PCDHGA2: variants seen among roughly 807,000 people sequenced by gnomAD.
PCDHGA2 encodes protocadherin gamma-A2.
PCDHGA2 carries 40 observed loss-of-function variants against 59.2 expected under a neutral mutation model. That is an observed-to-expected ratio of 0.68 (90% CI 0.52 to 0.88). The LOEUF (loss-of-function observed/expected upper bound fraction) is 0.88, where lower values mean the gene tolerates loss of function less well. Ranked by LOEUF, PCDHGA2 falls within the 40% of genes least tolerant of loss-of-function variation. PCDHGA2 has a pLI of 0.00. For missense variants in PCDHGA2, 1,226 were observed against 1,204.0 expected (o/e 1.02, Z -0.27); for synonymous variants, 560 against 526.0 (o/e 1.06, Z -0.89).
intron 2 of PCDHGA2, among the ~76,000 whole-genome samples, chr5:141,498,962 A>G (rs1257746192): frequency 8.0e-6 from 1 of 124,866 alleles, no homozygotes; most frequent in Non-Finnish European, 1.7e-5. Context: ...AGAGAGAGGG[A>G]GGGAGGGAGG....
In PCDHGA2 at chr5:141,476,149, A is replaced by T. The variant is rs1042362185; in HGVS notation, c.2425-18658A>T. The stretch of plus-strand genomic sequence containing the variant: ...CAGAGGCCTGGAGGAGCGGACTGGT[A>T]AGCACCGGGAGGGTAGTGGGAGTTT... On this transcript the variant is annotated intron_variant, in intron 1 of 3. Transcript: ENST00000394576. This position sits in a 1 kb window ranked among gnomAD's most constrained non-coding sequence, Gnocchi z 7.6. 4 of 1,611,688 alleles carry T rather than the reference A, an allele frequency of 2.5e-6. No individual in the cohort carries two copies. In the African/African-American group the frequency reaches 5.3e-5, roughly 22 times the overall value.
At chr5:141,420,245 G>T (rs72790042) in intron 1 of PCDHGA2, 1 of 1,584,230 alleles carries the variant, frequency 6.3e-7, no homozygotes, top group East Asian at 2.2e-5. Flanking sequence ...AACTCCCAGC[G>T]TTGAAGCAGA....
In PCDHGA2 at chr5:141,486,610, C is replaced by G; in HGVS notation, c.2425-8197C>G. 6.2e-7 allele frequency: 1 copy of G among 1,613,620 alleles called. No homozygotes were observed. The highest frequency in any genetic ancestry group is 8.5e-7 in the Non-Finnish European group (1 of 1,180,038). On this transcript the variant is annotated intron_variant, in intron 1 of 3. Coordinates refer to ENST00000394576, the MANE Select transcript of PCDHGA2 (RefSeq NM_018915.4). This position sits in a 1 kb window ranked among gnomAD's most constrained non-coding sequence, Gnocchi z 5.0. ...GGGACCTGCTTTGCTCCCTTGCAGC[C>G]TCTGACCCAGACTCTGGCTTGAATG...
chr5:141,497,211 G>C (rs914346878), intron 2 of PCDHGA2, among the ~76,000 whole-genome samples: 19 of 28,538 alleles, frequency 6.7e-4, no homozygotes, highest in African/African-American at 2.3e-3. Flanking sequence ...GAGTGTAATG[G>C]GGGGGGGAAG....
chr5:141,476,714 C>T lies in PCDHGA2; in HGVS notation c.2425-18093C>T, dbSNP rs146188020. On this transcript the variant is annotated intron_variant, in intron 1 of 3. Transcript: ENST00000394576. The surrounding 1 kb of genome is among the most constrained non-coding windows in gnomAD (Gnocchi z 7.6). ...CAAGTACGCGGAGCTGGTGTTGGAG[C>T]GCGCCCTGGACCGAGAACGGGAGCC... The T allele has an allele frequency of 6.2e-7, 1 of 1,614,154 alleles. No individual in the cohort carries two copies. The highest frequency in any genetic ancestry group is 8.5e-7 in the Non-Finnish European group (1 of 1,180,032).
chr5:141,387,830 TTA>T (rs2091113162), intron 1 of PCDHGA2: 1 of 1,590,004 alleles, frequency 6.3e-7, no homozygotes, highest in African/African-American at 1.3e-5. Context: ...AATACAGAGG[TTA>T]TTTGTAACCC....
At chr5:141,346,105 T>C in intron 1 of PCDHGA2, 1 of 1,613,882 alleles carries the variant, frequency 6.2e-7, no homozygotes, top group South Asian at 1.1e-5. Context: ...GACCTCACTC[T>C]GTACCTGGTG....
chr5:141,367,935 G>A (rs951282993), intron 1 of PCDHGA2, among the ~76,000 whole-genome samples: 2 of 152,044 alleles, frequency 1.3e-5, no homozygotes, highest in African/African-American at 4.8e-5. Flanking sequence ...CTTAAAGATG[G>A]TTCAAAATTT....
In PCDHGA2 at chr5:141,399,219, G is replaced by A. The variant is rs775267424; in HGVS notation, c.2424+57824G>A. The A allele has an allele frequency of 2.5e-6, 4 of 1,613,924 alleles. No homozygotes were observed. The South Asian group carries it at 3.3e-5, about 13-fold the overall frequency. On this transcript the variant is annotated intron_variant, in intron 1 of 3. Coordinates refer to ENST00000394576, the MANE Select transcript of PCDHGA2 (RefSeq NM_018915.4). Reference sequence around the variant, plus strand: ...CGGTGCCTGGAACACTAATTGCTTTGATCAAAATACATGACCAAGATTCTG... The same window carrying A: ...CGGTGCCTGGAACACTAATTGCTTTAATCAAAATACATGACCAAGATTCTG...
chr5:141,414,139 G>A (rs1245110230), intron 1 of PCDHGA2: 6 of 1,596,386 alleles, frequency 3.8e-6, no homozygotes, highest in African/African-American at 1.3e-5. Context: ...CTATGAAATA[G>A]AAATACAAGC....
intron 3 of PCDHGA2, among the ~76,000 whole-genome samples, chr5:141,509,089 G>C (rs1366018197): frequency 6.6e-6 from 1 of 152,158 alleles, no homozygotes; most frequent in Non-Finnish European, 1.5e-5. Context: ...ACATGAAATG[G>C]GGGCTGTAGA....
intron 1 of PCDHGA2, chr5:141,344,234 C>T (rs949298138): frequency 5.0e-6 from 8 of 1,614,066 alleles, no homozygotes; most frequent in Admixed American, 1.7e-5. Context: ...TCCGCATCGT[C>T]TCCAGAGGTA....
At chr5:141,467,768 C>T (rs2099151160) in intron 1 of PCDHGA2, among the ~76,000 whole-genome samples, 2 of 151,794 alleles carry the variant, frequency 1.3e-5, no homozygotes, top group African/African-American at 2.4e-5. Flanking sequence ...CTCAAGTGCC[C>T]GCACCTCAGC....
chr5:141,403,663 T>C (rs2094439679), intron 1 of PCDHGA2: 3 of 1,613,900 alleles, frequency 1.9e-6, no homozygotes, highest in African/African-American at 1.3e-5. Flanking sequence ...ATACAAATGA[T>C]AATGCCCCGG....
At chr5:141,360,226 G>C in intron 1 of PCDHGA2, 1 of 1,613,764 alleles carries the variant, frequency 6.2e-7, no homozygotes, top group Non-Finnish European at 8.5e-7. Context: ...GGCTCTCCCA[G>C]TCCAGATCCG....
intron 1 of PCDHGA2, chr5:141,344,998 A>G (rs763820741): frequency 1.9e-6 from 3 of 1,613,994 alleles, no homozygotes; most frequent in East Asian, 2.2e-5. Flanking sequence ...ATTGAAGCAC[A>G]GGATGGACCA....
At chr5:141,346,211 G>C in intron 1 of PCDHGA2, 1 of 1,614,182 alleles carries the variant, frequency 6.2e-7, no homozygotes, top group South Asian at 1.1e-5. Context: ...GCCTGCTGCA[G>C]GCTTCGGGAG....
At chr5:141,452,909 TAC>T (rs1370071626) in intron 1 of PCDHGA2, among the ~76,000 whole-genome samples, 2 of 152,232 alleles carry the variant, frequency 1.3e-5, no homozygotes, top group African/African-American at 4.8e-5. Context: ...GTTGGCATTA[TAC>T]AGTAAGAAAG....
At position 141,489,318 on chromosome 5, in the gene PCDHGA2, G is replaced by T; in HGVS notation, c.2425-5489G>T. On this transcript the variant is annotated intron_variant, in intron 1 of 3. Coordinates refer to ENST00000394576, the MANE Select transcript of PCDHGA2 (RefSeq NM_018915.4). The surrounding 1 kb of genome is among the most constrained non-coding windows in gnomAD (Gnocchi z 4.5). ...TGTTGTCCTTGTGCTGCTGGGGCTG[G>T]GTGTCTGGGCAGCTTCGTTACTCAG... The T allele has an allele frequency of 6.3e-7, 1 of 1,599,092 alleles. No homozygotes were observed. Among genetic ancestry groups the T allele is most frequent in the Non-Finnish European group, 8.5e-7 (1 of 1,171,660 alleles).
Sources: allele counts gnomAD v4.1 joint callset (sites outside exome capture counted in the v4.1 genomes callset), GRCh38; gene constraint gnomAD v4.1.1; non-coding constraint Gnocchi (gnomAD v3.1); transcripts MANE v1.5; gene names NCBI Gene and HGNC (gene_info 2026-07-23, HGNC 2026-07-21).